The following NLGN1 variants were observed in gnomAD, a reference collection of about 807,000 sequenced individuals.
NLGN1 encodes neuroligin 1, also known as neuroligin-1.
In NLGN1, 12 loss-of-function variants were observed where a neutral mutation model predicts 65.5. The ratio of observed to expected loss-of-function variants is 0.18; its 90% CI spans 0.12 to 0.30. NLGN1 has a LOEUF of 0.30. NLGN1 is among the 10% of genes least tolerant of loss of function. The pLI is 1.00. For missense variants in NLGN1, 750 were observed against 1,007.1 expected (o/e 0.74, Z 3.46); for synonymous variants, 350 against 359.5 (o/e 0.97, Z 0.30).
chr3:173,680,472 A>G (rs1445996050), intron 3 of NLGN1, among the ~76,000 whole-genome samples: 1 of 152,196 alleles, frequency 6.6e-6, no homozygotes, highest in Non-Finnish European at 1.5e-5. Context: ...TGCAATTTTG[A>G]ATTAATTTGA....
intron 4 of NLGN1, among the ~76,000 whole-genome samples, chr3:173,815,663 A>G (rs889523654): frequency 6.6e-6 from 1 of 152,086 alleles, no homozygotes; most frequent in Non-Finnish European, 1.5e-5. Context: ...TTGTGCAATT[A>G]AGCATAATCC....
intron 4 of NLGN1, among the ~76,000 whole-genome samples, chr3:174,192,618 G>A (rs1450685514): frequency 2.0e-5 from 3 of 152,056 alleles, no homozygotes; most frequent in South Asian, 2.1e-4. Context: ...GTCCTGTCAC[G>A]ATTTACTGCT....
intron 3 of NLGN1, among the ~76,000 whole-genome samples, chr3:173,724,706 T>G (rs1051101317): frequency 4.6e-5 from 7 of 152,168 alleles, no homozygotes; most frequent in Non-Finnish European, 7.3e-5. Flanking sequence ...GGATTATAAA[T>G]CATGCTACTA....
At chr3:173,643,080 A>G (rs967714526) in intron 3 of NLGN1, among the ~76,000 whole-genome samples, 1 of 152,206 alleles carries the variant, frequency 6.6e-6, no homozygotes. Context: ...ATCACAGAAG[A>G]AAAGAAGTGA....
At chr3:173,807,590 C>A in intron 3 of NLGN1, 90 bp from the exon 4 acceptor site, 1 of 1,413,706 alleles carries the variant, frequency 7.1e-7, no homozygotes, top group Non-Finnish European at 9.7e-7. Context: ...GAAATTATGC[C>A]CTCTTTTCAC....
chr3:174,124,669 G>GTGTATATACATATATAAGTATACACTTAT (rs1347514287), intron 4 of NLGN1, among the ~76,000 whole-genome samples: 1 of 147,094 alleles, frequency 6.8e-6, no homozygotes, highest in Non-Finnish European at 1.5e-5. Flanking sequence ...ATATGTATAT[G>GTGTATATACATATATAAGTATACACTTAT]TGTATATACA....
chr3:173,766,032 A>G (rs1482106618), intron 3 of NLGN1, among the ~76,000 whole-genome samples: 1 of 151,558 alleles, frequency 6.6e-6, no homozygotes, highest in African/African-American at 2.4e-5. Flanking sequence ...ATATTATTAT[A>G]TGGATGCATG....
intron 4 of NLGN1, among the ~76,000 whole-genome samples, chr3:173,952,777 C>CTTT (rs201322891): frequency 7.2e-6 from 1 of 138,100 alleles, no homozygotes; most frequent in Non-Finnish European, 1.6e-5. Context: ...TAAAATTTAC[C>CTTT]TTTTTTTTTT....
chr3:173,483,550 A>C (rs1727652158), intron 2 of NLGN1, among the ~76,000 whole-genome samples: 1 of 152,130 alleles, frequency 6.6e-6, no homozygotes, highest in African/African-American at 2.4e-5. Flanking sequence ...TTTAATTTTT[A>C]AATGAGAAAA....
intron 4 of NLGN1, among the ~76,000 whole-genome samples, chr3:174,033,891 A>G (rs1730559824): frequency 6.6e-6 from 1 of 152,192 alleles, no homozygotes; most frequent in South Asian, 2.1e-4. Context: ...ATATCCTGAA[A>G]GTAATAATGA....
intron 3 of NLGN1, among the ~76,000 whole-genome samples, chr3:173,750,314 C>T (rs534618854): frequency 6.6e-5 from 10 of 152,142 alleles, no homozygotes; most frequent in African/African-American, 1.9e-4. Flanking sequence ...ATTACCATAG[C>T]AACACTTTCC....
At chr3:174,204,147 T>G (rs1023357192) in intron 4 of NLGN1, among the ~76,000 whole-genome samples, 3 of 152,222 alleles carry the variant, frequency 2.0e-5, no homozygotes, top group African/African-American at 4.8e-5. Context: ...CTTTTTCTTT[T>G]GGAGCAGTAG....
chr3:173,956,362 A>G (rs1005301190), intron 4 of NLGN1, among the ~76,000 whole-genome samples: 1 of 152,068 alleles, frequency 6.6e-6, no homozygotes, highest in African/African-American at 2.4e-5. Context: ...GTTTTTCTTT[A>G]TTGTTGTAAT....
At chr3:173,441,037 A>G (rs1719092285) in intron 2 of NLGN1, among the ~76,000 whole-genome samples, 1 of 152,172 alleles carries the variant, frequency 6.6e-6, no homozygotes, top group Non-Finnish European at 1.5e-5. Flanking sequence ...TTCACCTTGC[A>G]CTTTTACGTT....
At chr3:173,572,680 A>C (rs1209288602) in intron 2 of NLGN1, among the ~76,000 whole-genome samples, 1 of 152,170 alleles carries the variant, frequency 6.6e-6, no homozygotes, top group Admixed American at 6.5e-5. Context: ...GCCCTTTCCC[A>C]GATAAAGAGG....
intron 3 of NLGN1, among the ~76,000 whole-genome samples, chr3:173,795,926 G>C (rs1330977876): frequency 6.6e-6 from 1 of 152,060 alleles, no homozygotes; most frequent in African/African-American, 2.4e-5. Flanking sequence ...CAAGAGGACA[G>C]GGGAAAAAAA....
At chr3:174,264,452 C>G (rs1331698759) in intron 4 of NLGN1, among the ~76,000 whole-genome samples, 8 of 150,012 alleles carry the variant, frequency 5.3e-5, no homozygotes, top group Non-Finnish European at 1.5e-5. Context: ...ATCGCTGATA[C>G]CCTTTCTTCT....
At chr3:173,744,961 A>G (rs377536756) in intron 3 of NLGN1, among the ~76,000 whole-genome samples, 12 of 152,084 alleles carry the variant, frequency 7.9e-5, no homozygotes, top group African/African-American at 2.7e-4. Flanking sequence ...TGTTCCCAAC[A>G]TTGTTAATAG....
At chr3:173,437,991 T>TC (rs1458915243) in intron 2 of NLGN1, among the ~76,000 whole-genome samples, 3 of 151,912 alleles carry the variant, frequency 2.0e-5, no homozygotes, top group Non-Finnish European at 4.4e-5. Flanking sequence ...AGTATCCAAG[T>TC]CCCCAATGAT....
Sources: allele counts gnomAD v4.1 joint callset (sites outside exome capture counted in the v4.1 genomes callset), GRCh38; gene constraint gnomAD v4.1.1; transcripts MANE v1.5; gene names NCBI Gene and HGNC (gene_info 2026-07-23, HGNC 2026-07-21).